LETM1: variants seen among roughly 807,000 people sequenced by gnomAD.
LETM1 encodes mitochondrial proton/calcium exchanger protein.
LETM1 carries 50 observed loss-of-function variants against 74.5 expected under a neutral mutation model. The ratio of observed to expected loss-of-function variants is 0.67; its 90% confidence interval spans 0.53 to 0.85. The LOEUF (loss-of-function observed/expected upper bound fraction) is 0.85, where lower values mean the gene tolerates loss of function less well. Among genes scored for constraint, LETM1 ranks in the 40% least tolerant of loss-of-function variants. The probability of loss-of-function intolerance (pLI) is 0.00; values close to 1 mark genes in which losing one functional copy is unlikely to be tolerated. For synonymous variants in LETM1, 446 were observed against 407.1 expected (o/e 1.10, Z -1.15); for missense variants, 824 against 967.8 (o/e 0.85, Z 1.97).
chr4:1,818,179 G>C (rs1577309346), intron 11 of LETM1, among the ~76,000 whole-genome samples: 1 of 152,344 alleles, frequency 6.6e-6, no homozygotes. Flanking sequence ...GGAACAGGCT[G>C]AGCTGGTGAT....
chr4:1,833,498 A>G, intron 5 of LETM1: 1 of 166,602 alleles, frequency 6.0e-6, no homozygotes, highest in South Asian at 1.5e-4. Context: ...CTGCCACAGA[A>G]GTGGCCGGGA....
Position 1,854,819 on chromosome 4 carries a change from A to C in LETM1, c.82+1050T>G, listed in dbSNP as rs115745436. Among the ~76,000 whole-genome samples, 1,071 of 152,166 alleles carry C rather than the reference A, an allele frequency of 7.0e-3. 4 individuals carry two copies. The highest frequency in any genetic ancestry group is 0.021 in the African/African-American group (884 of 41,514). ...AAAAACAAACAAACAAACAAACAAA[A>C]AAAAACAAGAATTGGGAGGATACAT... On this transcript the variant is annotated intron_variant, in intron 1 of 13. Transcript: ENST00000302787.
intron 1 of LETM1, among the ~76,000 whole-genome samples, chr4:1,850,253 C>T (rs936579930): frequency 5.3e-5 from 8 of 152,158 alleles, no homozygotes; most frequent in African/African-American, 1.7e-4. Flanking sequence ...TTTCAGAGCA[C>T]TGCTAAGTGA....
intron 3 of LETM1, chr4:1,839,393 G>A (rs1435477197): frequency 6.6e-6 from 1 of 152,406 alleles, no homozygotes; most frequent in Admixed American, 6.5e-5. Flanking sequence ...TGCAGATGCA[G>A]ACCCCTCCCA....
chr4:1,829,139 C>T (rs1712156148), intron 6 of LETM1, among the ~76,000 whole-genome samples: 1 of 133,966 alleles, frequency 7.5e-6, no homozygotes, highest in Non-Finnish European at 1.6e-5. Context: ...CCTCACCTCC[C>T]GGACGGGGCG....
rs777344189 is a variant in LETM1 at position 1,836,297 on chromosome 4, C to A, written c.738+132G>T. 5 of 770,450 alleles carry A rather than the reference C, an allele frequency of 6.5e-6. No individual in the cohort carries two copies. Among genetic ancestry groups the A allele is most frequent in the Non-Finnish European group, 1.1e-5 (5 of 471,716 alleles). 47.7% of individuals were successfully genotyped at this position (770,450 alleles called of 1,614,324 possible). On this transcript the variant is annotated intron_variant, in intron 4 of 13. Coordinates refer to ENST00000302787, the MANE Select transcript of LETM1 (RefSeq NM_012318.3). This position sits in a 1 kb window ranked among gnomAD's most constrained non-coding sequence, Gnocchi z 5.8. ...CCCAGCATCCACTAAATAATTATTG[C>A]ACAGCACAAGGACAATATGAAGATA...
In LETM1 at chr4:1,836,061, C is replaced by T. The variant is rs561400242; in HGVS notation, c.738+368G>A. ...CTGCACTCCAGCCTGGGTGACAGGG[C>T]GAGACCTGTGTATGGTGGCACACAT... On this transcript the variant is annotated intron_variant, in intron 4 of 13. Coordinates refer to ENST00000302787, the MANE Select transcript of LETM1 (RefSeq NM_012318.3). This position sits in a 1 kb window ranked among gnomAD's most constrained non-coding sequence, Gnocchi z 5.8. Among the ~76,000 whole-genome samples the T allele has an allele frequency of 4.4e-4, 67 of 152,080 alleles. No homozygotes were observed. The highest frequency in any genetic ancestry group is 3.2e-3 in the Admixed American group (49 of 15,276).
intron 2 of LETM1, among the ~76,000 whole-genome samples, chr4:1,848,730 A>AG (rs1420320817): frequency 5.3e-5 from 8 of 150,602 alleles, no homozygotes; most frequent in Admixed American, 1.3e-4. Context: ...AAAAAAAAAA[A>AG]AAAAAAGAAA....
At chr4:1,841,122 G>A (rs1054246210) in intron 3 of LETM1, among the ~76,000 whole-genome samples, 1 of 152,162 alleles carries the variant, frequency 6.6e-6, no homozygotes, top group Non-Finnish European at 1.5e-5. Flanking sequence ...GGCTGAGGTG[G>A]GAGGATCATT....
intron 8 of LETM1, 130 bp downstream of exon 8, chr4:1,823,514 G>A (rs1278791890): frequency 1.1e-5 from 13 of 1,132,060 alleles, no homozygotes; most frequent in South Asian, 4.4e-5. Context: ...GGGGGCACTC[G>A]CGAGGGGGTG....
At chr4:1,822,360 C>T (rs759962210) in intron 9 of LETM1, 48 bp from the exon 10 acceptor site, 26 of 1,408,878 alleles carry the variant, frequency 1.8e-5, no homozygotes, top group Non-Finnish European at 2.3e-5. Context: ...CACACAGAAG[C>T]AGTCTTCTTG....
At chr4:1,828,778 C>A (rs866235281) in intron 6 of LETM1, among the ~76,000 whole-genome samples, 1 of 146,182 alleles carries the variant, frequency 6.8e-6, no homozygotes, top group East Asian at 2.1e-4. Context: ...GCGCCCCCCA[C>A]CCCCCGGACG....
At chr4:1,829,177 C>A (rs1347581025) in intron 6 of LETM1, among the ~76,000 whole-genome samples, 2 of 143,612 alleles carry the variant, frequency 1.4e-5, no homozygotes, top group Non-Finnish European at 3.1e-5. Flanking sequence ...GCTGACCCCC[C>A]CCCCACCTCC....
Position 1,855,975 on chromosome 4 carries a change from G to A in LETM1, c.-25C>T, listed in dbSNP as rs994946732. Reference sequence around the variant, plus strand: ...TGTGCTCGGGCGCGGCGGCCGCTCCGGCCTCCTGCGCTGCCTCCTTCTCCG... The same window carrying A: ...TGTGCTCGGGCGCGGCGGCCGCTCCAGCCTCCTGCGCTGCCTCCTTCTCCG... On this transcript the variant is annotated 5_prime_UTR_variant, in exon 1 of 14. Coordinates refer to ENST00000302787, the MANE Select transcript of LETM1 (RefSeq NM_012318.3). 3.3e-6 allele frequency: 4 copies of A among 1,197,264 alleles called. No homozygotes were observed. Among genetic ancestry groups the A allele is most frequent in the Non-Finnish European group, 4.2e-6 (4 of 963,592 alleles). The allele number at this position is 1,197,264 out of a possible 1,614,324, so 74.2% of individuals were successfully genotyped here. A position where few individuals can be genotyped will look rare whatever the true frequency, so the allele number is the denominator to read the frequency against.
At chr4:1,817,235 A>G (rs552661096) in intron 11 of LETM1, among the ~76,000 whole-genome samples, 31 of 113,994 alleles carry the variant, frequency 2.7e-4, no homozygotes, top group African/African-American at 1.1e-3. Context: ...ACAGAGCGAG[A>G]CTCTGTCTCC....
At position 1,836,553 on chromosome 4, in the gene LETM1, T is replaced by C. The variant is rs746084122; in HGVS notation, c.614A>G (p.Asp205Gly). ...ERRQFLRICA[D>G]LFRLVPFLVF... ...AAGGAACGGCACCAGGCGGAAGAGG[T>C]CAGCGCAGATCCGGAGAAACTGGAA... Residue 205 changes from aspartate (D) to glycine (G), a missense_variant, in exon 4 of 14, where the codon GAC (aspartate) becomes GGC (glycine). Physicochemically the swap from Asp to Gly is moderately conservative, Grantham distance 94. Transcript: ENST00000302787. The surrounding 1 kb of genome is among the most constrained non-coding windows in gnomAD (Gnocchi z 5.8). 1 of 1,604,882 alleles carries C rather than the reference T, an allele frequency of 6.2e-7. No individual in the cohort carries two copies. Among genetic ancestry groups the C allele is most frequent in the Non-Finnish European group, 8.5e-7 (1 of 1,176,912 alleles).
chr4:1,814,648 C>CCCAGCTGGG, intron 13 of LETM1, 75 bp from the exon 14 acceptor site: 1 of 1,327,684 alleles, frequency 7.5e-7, no homozygotes. Context: ...GGGCCAGCGC[C>CCCAGCTGGG]GTCAGTCGCC....
At chr4:1,843,848 C>T (rs1213119991) in intron 2 of LETM1, among the ~76,000 whole-genome samples, 2 of 152,100 alleles carry the variant, frequency 1.3e-5, no homozygotes, top group Admixed American at 6.5e-5. Context: ...CAAGGCGTGC[C>T]GAGAGCCGAG....
intron 12 of LETM1, 76 bp downstream of exon 12, chr4:1,816,651 A>AG (rs2108834613): frequency 1.4e-6 from 2 of 1,442,490 alleles, no homozygotes; most frequent in Admixed American, 2.0e-5. Flanking sequence ...AGAAGGGCCC[A>AG]GCTCGGATCC....
Sources: gnomAD v4.1 joint callset for allele counts (sites outside exome capture counted in the v4.1 genomes callset) on GRCh38, gnomAD v4.1.1 for gene constraint, Gnocchi (gnomAD v3.1) non-coding constraint, MANE v1.5 for transcripts, NCBI Gene and HGNC (gene_info 2026-07-23, HGNC 2026-07-21) for gene names.